Variants in KCNB2 observed in about 807,000 individuals in gnomAD.
KCNB2 encodes the protein delayed rectifier potassium channel protein.
KCNB2 carries 15 observed loss-of-function variants against 61.5 expected under a neutral mutation model. That is an observed-to-expected ratio of 0.24 (90% CI 0.16 to 0.38). The LOEUF (loss-of-function observed/expected upper bound fraction) is 0.38, where lower values mean the gene tolerates loss of function less well. Ranked by LOEUF, KCNB2 falls within the 10% of genes least tolerant of loss-of-function variation. The pLI, the probability that KCNB2 is intolerant of heterozygous loss-of-function variation, is 1.00. For missense variants in KCNB2, 828 were observed against 1,125.2 expected (o/e 0.74, Z 3.78); for synonymous variants, 457 against 446.0 (o/e 1.02, Z -0.31).
chr8:72,853,555 T>C (rs569398650), intron 2 of KCNB2, among the ~76,000 whole-genome samples: 1 of 152,314 alleles, frequency 6.6e-6, no homozygotes, highest in East Asian at 1.9e-4. Context: ...TTTAACCTAA[T>C]GTCTAGGCCT....
In KCNB2 at chr8:72,921,173, C is replaced by A. The variant is rs560802091; in HGVS notation, c.580-14762C>A. 1.4e-4 allele frequency among the ~76,000 whole-genome samples: 21 copies of A among 152,120 alleles called. No homozygotes were observed. In the East Asian group the frequency reaches 1.9e-3, roughly 14 times the overall value. ...ATATAATAATTACTATTATTATCAT[C>A]ATTTGGGGTAGGAATATGGCTTAGT... On this transcript the variant is annotated intron_variant, in intron 2 of 2. Transcript: ENST00000523207.
At chr8:72,844,898 AG>A (rs1809959795) in intron 2 of KCNB2, among the ~76,000 whole-genome samples, 1 of 152,174 alleles carries the variant, frequency 6.6e-6, no homozygotes, top group African/African-American at 2.4e-5. Context: ...CCTTTAGCTC[AG>A]AGGAGTTTGT....
At chr8:72,582,895 C>A (rs2128980611) in intron 2 of KCNB2, among the ~76,000 whole-genome samples, 1 of 152,280 alleles carries the variant, frequency 6.6e-6, no homozygotes, top group Admixed American at 6.5e-5. Context: ...GCTGGGATTA[C>A]AGGCATGAGC....
chr8:72,600,198 G>A (rs1193818520), intron 2 of KCNB2, among the ~76,000 whole-genome samples: 1 of 152,114 alleles, frequency 6.6e-6, no homozygotes, highest in Non-Finnish European at 1.5e-5. Flanking sequence ...CAACCCAAAT[G>A]TCCAACAATG....
At chr8:72,932,444 C>G (rs1474381977) in intron 2 of KCNB2, among the ~76,000 whole-genome samples, 5 of 152,158 alleles carry the variant, frequency 3.3e-5, no homozygotes, top group Admixed American at 1.3e-4. Context: ...TGCTAAATCA[C>G]TGAAGTTTGG....
chr8:72,771,400 A>G (rs146512439), intron 2 of KCNB2, among the ~76,000 whole-genome samples: 103 of 152,276 alleles, frequency 6.8e-4, no homozygotes, highest in African/African-American at 2.3e-3. Context: ...CTTTCATCAC[A>G]TCAACTTTCA....
chr8:72,752,647 C>T (rs1808211676), intron 2 of KCNB2, among the ~76,000 whole-genome samples: 1 of 152,130 alleles, frequency 6.6e-6, no homozygotes, highest in Non-Finnish European at 1.5e-5. Context: ...TCTAGTCCAA[C>T]TTGTAGATGG....
intron 2 of KCNB2, among the ~76,000 whole-genome samples, chr8:72,767,085 A>G (rs1329908756): frequency 1.3e-5 from 2 of 152,142 alleles, no homozygotes; most frequent in Non-Finnish European, 2.9e-5. Flanking sequence ...ACCAGCACCC[A>G]TGATTCAATT....
At chr8:72,715,871 G>T (rs1446867994) in intron 2 of KCNB2, among the ~76,000 whole-genome samples, 1 of 152,122 alleles carries the variant, frequency 6.6e-6, no homozygotes, top group Non-Finnish European at 1.5e-5. Flanking sequence ...ATGAATCCAG[G>T]AGCTGGTTTT....
chr8:72,809,961 A>G lies in KCNB2; in HGVS notation c.580-125974A>G, dbSNP rs188098104. ...AACTATAATTACCTCACACTTCTAC[A>G]TACTGTCAATGGGACCAGAACACTA... On this transcript the variant is annotated intron_variant, in intron 2 of 2. Transcript: ENST00000523207. Among the ~76,000 whole-genome samples, 18 of 152,282 alleles carry G rather than the reference A, an allele frequency of 1.2e-4. 1 individual carries two copies. In the East Asian group the frequency reaches 3.1e-3, roughly 26 times the overall value.
chr8:72,869,097 T>A (rs1177420315), intron 2 of KCNB2, among the ~76,000 whole-genome samples: 1 of 152,148 alleles, frequency 6.6e-6, no homozygotes, highest in East Asian at 1.9e-4. Context: ...TTCACTAACA[T>A]AAAGAGGAAA....
At chr8:72,900,821 A>G (rs974590637) in intron 2 of KCNB2, among the ~76,000 whole-genome samples, 3 of 152,168 alleles carry the variant, frequency 2.0e-5, no homozygotes, top group African/African-American at 4.8e-5. Flanking sequence ...CAGAGTGGAT[A>G]TTATTAAAAA....
At chr8:72,578,996 CA>C (rs1563528698) in intron 2 of KCNB2, among the ~76,000 whole-genome samples, 1 of 152,162 alleles carries the variant, frequency 6.6e-6, no homozygotes, top group Non-Finnish European at 1.5e-5. Flanking sequence ...TCTAAGGCAC[CA>C]TATTGCCACC....
intron 2 of KCNB2, among the ~76,000 whole-genome samples, chr8:72,774,046 AG>A (rs1280716524): frequency 6.6e-6 from 1 of 152,196 alleles, no homozygotes; most frequent in African/African-American, 2.4e-5. Context: ...TACTGGACCA[AG>A]GGCTTTTACA....
chr8:72,909,141 A>C (rs1806234307), intron 2 of KCNB2, among the ~76,000 whole-genome samples: 1 of 152,180 alleles, frequency 6.6e-6, no homozygotes, highest in Non-Finnish European at 1.5e-5. Flanking sequence ...CAAAAACAAC[A>C]GCAAATAATC....
chr8:72,763,804 AAACAATAAGTATT>A (rs1467714001), intron 2 of KCNB2, among the ~76,000 whole-genome samples: 1 of 152,230 alleles, frequency 6.6e-6, no homozygotes, highest in Non-Finnish European at 1.5e-5. Context: ...TTATAAGCTT[AAACAATAAGTATT>A]ATTGTAAAGG....
chr8:72,602,071 G>C (rs1435169627), intron 2 of KCNB2, among the ~76,000 whole-genome samples: 4 of 152,180 alleles, frequency 2.6e-5, no homozygotes, highest in African/African-American at 7.2e-5. Flanking sequence ...AGGGCAGTGA[G>C]GGGGAAGAAA....
intron 2 of KCNB2, among the ~76,000 whole-genome samples, chr8:72,898,561 G>A (rs28441682): frequency 0.092 from 13,964 of 152,188 alleles, 709 homozygotes; most frequent in African/African-American, 0.13. Context: ...ATGTATTGAA[G>A]TCAAGCCAGG....
intron 2 of KCNB2, among the ~76,000 whole-genome samples, chr8:72,686,184 C>A (rs1806850067): frequency 6.6e-6 from 1 of 152,046 alleles, no homozygotes; most frequent in African/African-American, 2.4e-5. Context: ...CAGTATATTG[C>A]TTTGTCAAGA....
Sources: allele counts gnomAD v4.1 joint callset (sites outside exome capture counted in the v4.1 genomes callset), GRCh38; gene constraint gnomAD v4.1.1; transcripts MANE v1.5; gene names NCBI Gene and HGNC (gene_info 2026-07-23, HGNC 2026-07-21).